The following LRBA variants were observed in gnomAD, a reference collection of about 807,000 sequenced individuals.
LRBA encodes the protein LPS responsive beige-like anchor protein.
In LRBA, 176 loss-of-function variants were observed where a neutral mutation model predicts 330.0. That is an observed-to-expected ratio of 0.53 (90% CI 0.47 to 0.60). The LOEUF (loss-of-function observed/expected upper bound fraction) is 0.60, where lower values mean the gene tolerates loss of function less well. LRBA is among the 20% of genes least tolerant of loss of function. LRBA has a pLI of 0.00. For missense variants in LRBA, 3,259 were observed against 3,444.8 expected (o/e 0.95, Z 1.35); for synonymous variants, 1,230 against 1,193.0 (o/e 1.03, Z -0.64).
intron 52 of LRBA, 30 bp downstream of exon 52, chr4:150,310,199 T>A (rs2126878691): frequency 6.7e-7 from 1 of 1,485,794 alleles, no homozygotes; most frequent in East Asian, 2.3e-5. Context: ...TAGTAAACTT[T>A]AGTTCACTGA....
chr4:150,657,427 G>T (rs11099773), intron 37 of LRBA, among the ~76,000 whole-genome samples: 133,027 of 152,050 alleles, frequency 0.87, 59,106 homozygotes, highest in Non-Finnish European at 0.95. Context: ...TGTGTTCACA[G>T]GTAAAGAACA....
chr4:150,277,703 T>G, intron 56 of LRBA, 150 bp downstream of exon 56: 1 of 777,376 alleles, frequency 1.3e-6, no homozygotes, highest in Non-Finnish European at 2.1e-6. Flanking sequence ...GGTCTTGCAA[T>G]GTTGCCCAGG....
intron 30 of LRBA, among the ~76,000 whole-genome samples, chr4:150,818,838 G>A (rs1219436388): frequency 6.6e-6 from 1 of 151,986 alleles, no homozygotes; most frequent in Non-Finnish European, 1.5e-5. Flanking sequence ...TTAGAAAAGT[G>A]CAATTGCTTT....
At chr4:150,415,898 C>T (rs1747666057) in intron 46 of LRBA, among the ~76,000 whole-genome samples, 1 of 152,118 alleles carries the variant, frequency 6.6e-6, no homozygotes, top group South Asian at 2.1e-4. Context: ...AAGATATAAA[C>T]ATAAATTACC....
chr4:150,871,999 G>C (rs1184532930), intron 18 of LRBA, among the ~76,000 whole-genome samples: 1 of 152,074 alleles, frequency 6.6e-6, no homozygotes, highest in Non-Finnish European at 1.5e-5. Flanking sequence ...AAATGGCCAG[G>C]GGGTAAATAT....
intron 40 of LRBA, among the ~76,000 whole-genome samples, chr4:150,516,005 A>G (rs1762295021): frequency 6.6e-6 from 1 of 152,050 alleles, no homozygotes; most frequent in Non-Finnish European, 1.5e-5. Context: ...TGAGTTTTAT[A>G]AATTATAATT....
At chr4:150,618,546 T>C (rs1775989471) in intron 37 of LRBA, among the ~76,000 whole-genome samples, 1 of 152,142 alleles carries the variant, frequency 6.6e-6, no homozygotes, top group Non-Finnish European at 1.5e-5. Context: ...TGGAATAGTT[T>C]TTTATTTTTT....
intron 56 of LRBA, among the ~76,000 whole-genome samples, chr4:150,268,799 C>A (rs1310553187): frequency 6.6e-6 from 1 of 152,068 alleles, no homozygotes; most frequent in African/African-American, 2.4e-5. Context: ...ACACCACACT[C>A]GATGAAAAAA....
chr4:150,952,060 T>C (rs1461790038), intron 2 of LRBA, among the ~76,000 whole-genome samples: 1 of 152,236 alleles, frequency 6.6e-6, no homozygotes, highest in Non-Finnish European at 1.5e-5. Flanking sequence ...TTAGCAGCCT[T>C]AGTCCAGAAC....
At chr4:150,674,479 A>T (rs540847723) in intron 37 of LRBA, among the ~76,000 whole-genome samples, 13 of 152,296 alleles carry the variant, frequency 8.5e-5, no homozygotes, top group African/African-American at 2.9e-4. Context: ...AAATAATAAT[A>T]TACACTTCAC....
chr4:150,549,737 C>T (rs975623942), intron 40 of LRBA, among the ~76,000 whole-genome samples: 2 of 152,208 alleles, frequency 1.3e-5, no homozygotes, highest in African/African-American at 4.8e-5. Context: ...ATCTTGTTTT[C>T]ATAACAACCT....
At chr4:150,729,561 T>A (rs1455973564) in intron 36 of LRBA, among the ~76,000 whole-genome samples, 1 of 152,096 alleles carries the variant, frequency 6.6e-6, no homozygotes, top group African/African-American at 2.4e-5. Flanking sequence ...TGTTAAAATA[T>A]CCATATTAAA....
intron 40 of LRBA, among the ~76,000 whole-genome samples, chr4:150,516,089 T>C (rs11099766): frequency 0.85 from 128,476 of 151,882 alleles, 55,874 homozygotes; most frequent in Non-Finnish European, 0.95. Context: ...CAGAAAATAG[T>C]CAATAAAAGG....
chr4:150,973,107 G>A (rs1311760268), intron 2 of LRBA, among the ~76,000 whole-genome samples: 2 of 152,170 alleles, frequency 1.3e-5, no homozygotes, highest in Admixed American at 6.5e-5. Context: ...GCAACAGAAT[G>A]AGACCCTGTC....
intron 42 of LRBA, among the ~76,000 whole-genome samples, chr4:150,485,606 G>C (rs1459213311): frequency 1.3e-5 from 2 of 151,856 alleles, no homozygotes; most frequent in African/African-American, 4.8e-5. Flanking sequence ...AAGAGACAGA[G>C]GGAGAAGAGA....
At chr4:150,814,518 G>A (rs532300607) in intron 31 of LRBA, among the ~76,000 whole-genome samples, 20 of 151,956 alleles carry the variant, frequency 1.3e-4, no homozygotes, top group Admixed American at 7.9e-4. Context: ...ACAGTAACAA[G>A]AACACAGTGA....
intron 2 of LRBA, among the ~76,000 whole-genome samples, chr4:150,948,803 A>C (rs1409197007): frequency 6.6e-6 from 1 of 151,982 alleles, no homozygotes; most frequent in Non-Finnish European, 1.5e-5. Flanking sequence ...TCACCAAAGA[A>C]GACATAAAGA....
At chr4:150,448,061 C>G (rs967568114) in intron 44 of LRBA, among the ~76,000 whole-genome samples, 1 of 152,168 alleles carries the variant, frequency 6.6e-6, no homozygotes, top group African/African-American at 2.4e-5. Context: ...CTAAGTTGAC[C>G]ATTTCCTACT....
chr4:150,867,059 T>C (rs1752794510), intron 22 of LRBA, among the ~76,000 whole-genome samples: 2 of 147,872 alleles, frequency 1.4e-5, no homozygotes, highest in African/African-American at 5.0e-5. Context: ...TTAGAGTATT[T>C]CAAAAAAGAA....
Sources: gnomAD v4.1 joint callset for allele counts (sites outside exome capture counted in the v4.1 genomes callset) on GRCh38, gnomAD v4.1.1 for gene constraint, MANE v1.5 for transcripts, NCBI Gene and HGNC (gene_info 2026-07-23, HGNC 2026-07-21) for gene names.